Variants in CLTCL1 observed in about 807,000 individuals in gnomAD.
CLTCL1 encodes the protein clathrin heavy chain like 1, also known as clathrin heavy chain 2.
In CLTCL1, 159 loss-of-function variants were observed where a neutral mutation model predicts 190.0. That is an observed-to-expected ratio of 0.84 (90% CI 0.74 to 0.95). CLTCL1 has a LOEUF of 0.95. Among genes scored for constraint, CLTCL1 ranks in the 40% least tolerant of loss-of-function variants. CLTCL1 has a pLI of 0.00. For missense variants in CLTCL1, 1,878 were observed against 2,033.4 expected (o/e 0.92, Z 1.47); for synonymous variants, 752 against 769.6 (o/e 0.98, Z 0.38).
At chr22:19,211,596 T>C (rs954758119) in intron 19 of CLTCL1, among the ~76,000 whole-genome samples, 1 of 151,388 alleles carries the variant, frequency 6.6e-6, no homozygotes, top group Non-Finnish European at 1.5e-5. Flanking sequence ...GTAAAGCCCG[T>C]CTCTACTAAA....
chr22:19,247,722 G>A (rs1284795149), intron 3 of CLTCL1, among the ~76,000 whole-genome samples: 10 of 151,812 alleles, frequency 6.6e-5, no homozygotes, highest in East Asian at 2.0e-4. Flanking sequence ...CACAACTCTC[G>A]GCTAATTTTT....
intron 22 of CLTCL1, chr22:19,207,872 TA>T: frequency 1.6e-6 from 1 of 632,780 alleles, no homozygotes; most frequent in Non-Finnish European, 2.9e-6. Context: ...TGGGACCATC[TA>T]GTTGCAGGAA....
At chr22:19,180,378 A>G (rs782253755) in intron 31 of CLTCL1, 140 bp from the exon 32 acceptor site, 3 of 925,354 alleles carry the variant, frequency 3.2e-6, no homozygotes, top group Non-Finnish European at 5.1e-6. Flanking sequence ...CAGCCTCTCC[A>G]GTCTGCTCGA....
chr22:19,186,505 T>G (rs2084319363), intron 29 of CLTCL1, among the ~76,000 whole-genome samples: 1 of 152,110 alleles, frequency 6.6e-6, no homozygotes, highest in African/African-American at 2.4e-5. Context: ...TCTCAAGTGA[T>G]CCTCCCACTT....
intron 2 of CLTCL1, chr22:19,258,195 C>T (rs2086827166): frequency 5.8e-6 from 2 of 343,074 alleles, no homozygotes; most frequent in Admixed American, 4.0e-5. Flanking sequence ...GGCCTACAAG[C>T]CCGTATTACT....
chr22:19,285,949 T>C (rs2087891786), intron 1 of CLTCL1, among the ~76,000 whole-genome samples: 1 of 152,218 alleles, frequency 6.6e-6, no homozygotes, highest in Non-Finnish European at 1.5e-5. Flanking sequence ...AGGATTCTTT[T>C]GAACATTTTT....
intron 1 of CLTCL1, among the ~76,000 whole-genome samples, chr22:19,283,739 C>T (rs1257870129): frequency 6.6e-6 from 1 of 151,990 alleles, no homozygotes; most frequent in Non-Finnish European, 1.5e-5. Flanking sequence ...TGCCTGTAAT[C>T]CCAGCACTTT....
At chr22:19,191,197 T>G (rs2084491073) in intron 27 of CLTCL1, 107 bp downstream of exon 27, 2 of 1,365,402 alleles carry the variant, frequency 1.5e-6, no homozygotes, top group East Asian at 2.3e-5. Flanking sequence ...AATCTTCAAG[T>G]CAGCTGGGGG....
At chr22:19,275,900 AGAG>A (rs1308987023) in intron 1 of CLTCL1, 70 bp from the exon 2 acceptor site, 6 of 1,314,342 alleles carry the variant, frequency 4.6e-6, no homozygotes, top group East Asian at 2.5e-5. Context: ...CAAAGGCAAA[AGAG>A]GAGAAGTTAA....
intron 19 of CLTCL1, 106 bp downstream of exon 19, chr22:19,216,005 G>A: frequency 9.2e-7 from 1 of 1,087,908 alleles, no homozygotes; most frequent in Non-Finnish European, 1.3e-6. Flanking sequence ...AGCAGCCAAT[G>A]GGCAGGCTGG....
chr22:19,223,779 G>A (rs1448337569), intron 14 of CLTCL1, 112 bp downstream of exon 14: 1 of 1,224,350 alleles, frequency 8.2e-7, no homozygotes, highest in Admixed American at 2.0e-5. Flanking sequence ...GGGACTAAGG[G>A]GTCCCTGGCG....
chr22:19,235,808 T>A lies in CLTCL1; in HGVS notation c.857A>T (p.Asp286Val). Residue 286 changes from aspartate (D) to valine (V), a missense_variant, in exon 6 of 33, where the codon GAC (aspartate) becomes GTC (valine). Asp to Val is a radical substitution (Grantham distance 152). Transcript: ENST00000427926. ...GCAGATGCACACGCCAGACTCTAGG[T>A]CGTACAGATGAAGATAGCCATACTT... ...ITKYGYLHLY[D>V]LESGVCICMN... The A allele has an allele frequency of 6.2e-7, 1 of 1,613,916 alleles. No individual in the cohort carries two copies. Among genetic ancestry groups the A allele is most frequent in the East Asian group, 2.2e-5 (1 of 44,892 alleles).
At chr22:19,183,338 G>T in intron 30 of CLTCL1, 52 bp downstream of exon 30, 2 of 1,516,470 alleles carry the variant, frequency 1.3e-6, no homozygotes, top group Non-Finnish European at 1.8e-6. Flanking sequence ...CACTGCCAGG[G>T]TTGGGTCATG....
At chr22:19,252,932 T>C (rs1304686042) in intron 3 of CLTCL1, among the ~76,000 whole-genome samples, 1 of 145,684 alleles carries the variant, frequency 6.9e-6, no homozygotes, top group Non-Finnish European at 1.5e-5. Flanking sequence ...GAGAATGGCA[T>C]GAACCCAGGA....
Position 19,187,523 on chromosome 22 carries a change from A to G in CLTCL1, c.4605+35T>C, listed in dbSNP as rs1555928888. 1.9e-6 allele frequency: 3 copies of G among 1,592,470 alleles called. No individual in the cohort carries two copies. The South Asian group carries it at 3.3e-5, about 18-fold the overall frequency. On this transcript the variant is annotated intron_variant, in intron 29 of 32. Coordinates refer to ENST00000427926, the MANE Select transcript of CLTCL1 (RefSeq NM_007098.4). ...AAGCCATCAGGAAACACACCAAGGCAGGAAGGTGGGAGGAAACGGGCCCAG... is the reference window on the plus strand; with the variant it reads ...AAGCCATCAGGAAACACACCAAGGCGGGAAGGTGGGAGGAAACGGGCCCAG...
At chr22:19,201,304 C>T (rs782407053) in intron 23 of CLTCL1, 25 bp downstream of exon 23, 3 of 1,591,886 alleles carry the variant, frequency 1.9e-6, no homozygotes, top group East Asian at 4.6e-5. Context: ...GCACACTCTG[C>T]CGTCTGCAGT....
In CLTCL1 at chr22:19,225,476, A is replaced by T. The variant is rs182917063; in HGVS notation, c.2105T>A (p.Phe702Tyr). Residue 702 changes from phenylalanine (F) to tyrosine (Y), a missense_variant, in exon 13 of 33, where the codon TTT becomes TAT. Coordinates refer to ENST00000427926, the MANE Select transcript of CLTCL1 (RefSeq NM_007098.4). ...QLGTQALVELFESFKSYKGLF... is the reference protein window; with the variant it reads ...QLGTQALVELYESFKSYKGLF... ...ACCTTTGTAACTCTTGAAGGATTCAAAGAGCTCCACCAGGGCCTGCGTGCC... is the reference window on the plus strand; with the variant it reads ...ACCTTTGTAACTCTTGAAGGATTCATAGAGCTCCACCAGGGCCTGCGTGCC... The T allele has an allele frequency of 6.8e-5, 108 of 1,585,774 alleles. No individual in the cohort carries two copies. In the East Asian group the frequency reaches 1.7e-3, roughly 25 times the overall value.
chr22:19,285,686 A>G (rs1381360043), intron 1 of CLTCL1, among the ~76,000 whole-genome samples: 3 of 152,294 alleles, frequency 2.0e-5, no homozygotes, highest in Admixed American at 1.3e-4. Flanking sequence ...CCTCAAGAGA[A>G]GTGGAAGAAA....
At chr22:19,232,921 G>A in intron 9 of CLTCL1, 1 of 566,648 alleles carries the variant, frequency 1.8e-6, no homozygotes, top group Non-Finnish European at 3.0e-6. Context: ...AGAAGGAAGA[G>A]AGGGAGAGAA....
Sources: gnomAD v4.1 joint callset for allele counts (sites outside exome capture counted in the v4.1 genomes callset) on GRCh38, gnomAD v4.1.1 for gene constraint, MANE v1.5 for transcripts, NCBI Gene and HGNC (gene_info 2026-07-23, HGNC 2026-07-21) for gene names.